CHST9: variants seen among roughly 807,000 people sequenced by gnomAD.
The protein encoded by CHST9 is GalNAc-4-sulfotransferase 2.
Under a neutral mutation model 44.4 loss-of-function variants are expected in CHST9, and 41 were observed. The ratio of observed to expected loss-of-function variants is 0.92; its 90% CI spans 0.72 to 1.20. The LOEUF (loss-of-function observed/expected upper bound fraction) is 1.20, where lower values mean the gene tolerates loss of function less well. Ranked by LOEUF, CHST9 falls within the 50% of genes most tolerant of loss-of-function variation. The pLI is 0.00. For missense variants in CHST9, 504 were observed against 516.5 expected (o/e 0.98, Z 0.23); for synonymous variants, 171 against 178.4 (o/e 0.96, Z 0.33).
chr18:26,919,659 A>G (rs990234878), intron 5 of CHST9, among the ~76,000 whole-genome samples: 1 of 152,108 alleles, frequency 6.6e-6, no homozygotes, highest in African/African-American at 2.4e-5. Context: ...GTGTCCCTAC[A>G]TATGCCCTCA....
Position 26,928,301 on chromosome 18 carries a change from C to T in CHST9, c.241-10951G>A, listed in dbSNP as rs111433498. 3.2e-3 allele frequency: 487 copies of T among 152,572 alleles called. 9 individuals carry two copies. Among genetic ancestry groups the T allele is most frequent in the Non-Finnish European group, 2.7e-3 (182 of 68,308 alleles). 9.5% of individuals were successfully genotyped at this position (152,572 alleles called of 1,614,324 possible). On this transcript the variant is annotated intron_variant, in intron 5 of 5. Transcript: ENST00000618847. The stretch of plus-strand genomic sequence containing the variant: ...GAAAAGGGGATTGGCTTGAGTGCAC[C>T]AGGGGGCCAGAGACATGGGTCATCC...
chr18:26,916,783 A>G lies in CHST9; in HGVS notation c.808T>C (p.Leu270=), dbSNP rs755494326. ...AACACAGCTTTGGTGTAAGTATTTA[A>G]GCGGGTATATATCCCTTTTAGGTCA... ...SFDLKGIYTR[L]NTYTKAVFVR... is the part of the protein sequence containing the mutation. Residue 270 remains leucine, a synonymous_variant, in exon 6 of 6, where the codon TTA becomes CTA. Transcript: ENST00000618847. 6.2e-7 allele frequency: 1 copy of G among 1,613,878 alleles called. No homozygotes were observed. The highest frequency in any genetic ancestry group is 1.1e-5 in the South Asian group (1 of 91,072).
intron 2 of CHST9, among the ~76,000 whole-genome samples, chr18:27,092,388 A>C (rs2058077834): frequency 6.6e-6 from 1 of 151,740 alleles, no homozygotes; most frequent in African/African-American, 2.4e-5. Flanking sequence ...TCTTTTCAAA[A>C]AACCAGCTCC....
chr18:27,123,529 G>T (rs2058393464), intron 2 of CHST9, among the ~76,000 whole-genome samples: 1 of 152,136 alleles, frequency 6.6e-6, no homozygotes, highest in Non-Finnish European at 1.5e-5. Flanking sequence ...CATGCTGTGG[G>T]TTTAAATTCT....
chr18:27,101,612 AAAAAAT>A (rs1434722793), intron 2 of CHST9, among the ~76,000 whole-genome samples: 3 of 148,976 alleles, frequency 2.0e-5, no homozygotes, highest in Non-Finnish European at 4.4e-5. Context: ...TCTGTCTCAA[AAAAAAT>A]AAAAATAAAA....
chr18:27,106,441 C>T (rs558981717), intron 2 of CHST9, among the ~76,000 whole-genome samples: 28 of 152,274 alleles, frequency 1.8e-4, no homozygotes, highest in Admixed American at 9.8e-4. Context: ...ACTAGCCCAA[C>T]CAATTTGTTC....
chr18:27,088,389 C>CTTTT (rs35189657), intron 2 of CHST9, among the ~76,000 whole-genome samples: 102 of 137,494 alleles, frequency 7.4e-4, no homozygotes, highest in Non-Finnish European at 1.2e-3. Flanking sequence ...ATTATTAACA[C>CTTTT]TTTTTTTTTT....
chr18:27,005,760 G>A (rs2057008945), intron 4 of CHST9, among the ~76,000 whole-genome samples: 2 of 152,110 alleles, frequency 1.3e-5, no homozygotes, highest in African/African-American at 4.8e-5. Context: ...CTGGAGGTGA[G>A]GGGGAAGCTC....
chr18:27,086,805 A>G (rs1372223979), intron 2 of CHST9, among the ~76,000 whole-genome samples: 1 of 152,186 alleles, frequency 6.6e-6, no homozygotes, highest in Non-Finnish European at 1.5e-5. Context: ...CTTAATGAGT[A>G]CTCAACTGAA....
chr18:27,180,891 C>T (rs1050401375), intron 1 of CHST9, among the ~76,000 whole-genome samples: 1 of 151,844 alleles, frequency 6.6e-6, no homozygotes, highest in African/African-American at 2.4e-5. Context: ...ATTATATTTC[C>T]AACCACAATA....
intron 4 of CHST9, among the ~76,000 whole-genome samples, chr18:26,951,205 A>G (rs942248520): frequency 1.3e-5 from 2 of 152,234 alleles, no homozygotes; most frequent in African/African-American, 4.8e-5. Flanking sequence ...ACTATCATCA[A>G]CATGGGTGGG....
At chr18:27,146,133 C>T (rs183917738) in intron 1 of CHST9, among the ~76,000 whole-genome samples, 20 of 152,258 alleles carry the variant, frequency 1.3e-4, no homozygotes, top group South Asian at 6.2e-4. Context: ...AAAAGGAGTA[C>T]TCCTCGGGGG....
intron 1 of CHST9, among the ~76,000 whole-genome samples, chr18:27,179,613 T>C (rs1169609975): frequency 6.6e-6 from 1 of 152,034 alleles, no homozygotes; most frequent in African/African-American, 2.4e-5. Context: ...CCCAATTTAA[T>C]GAAGAGTTTT....
At chr18:26,918,033 C>T (rs1255555766) in intron 5 of CHST9, among the ~76,000 whole-genome samples, 17 of 152,142 alleles carry the variant, frequency 1.1e-4, no homozygotes, top group Admixed American at 9.8e-4. Context: ...GTCTACTTGA[C>T]GTCCTGCTCT....
intron 5 of CHST9, chr18:26,925,716 A>C (rs1013399839): frequency 6.6e-6 from 1 of 152,240 alleles, no homozygotes; most frequent in African/African-American, 2.4e-5. Flanking sequence ...GAAAATGAAG[A>C]TAATAACAAC....
intron 3 of CHST9, among the ~76,000 whole-genome samples, chr18:27,043,162 C>T (rs1476216240): frequency 6.6e-6 from 1 of 151,922 alleles, no homozygotes; most frequent in African/African-American, 2.4e-5. Flanking sequence ...TTACTGTGTT[C>T]TTTGTTAATG....
intron 2 of CHST9, among the ~76,000 whole-genome samples, chr18:27,126,334 G>T (rs1167115186): frequency 6.6e-6 from 1 of 152,142 alleles, no homozygotes; most frequent in African/African-American, 2.4e-5. Context: ...TAGGCACAGG[G>T]GATGCAATGG....
At position 26,911,121 on chromosome 18, in the gene CHST9, G is replaced by A. The variant is rs1309873052; in HGVS notation, c.*5138C>T. 1 of 152,114 alleles carries A rather than the reference G, an allele frequency of 6.6e-6. No homozygotes were observed. The highest frequency in any genetic ancestry group is 1.5e-5 in the Non-Finnish European group (1 of 68,016). The allele number at this position is 152,114 out of a possible 1,614,324, so 9.4% of individuals were successfully genotyped here. On this transcript the variant is annotated 3_prime_UTR_variant, in exon 6 of 6. Coordinates refer to ENST00000618847, the MANE Select transcript of CHST9 (RefSeq NM_031422.6). ...TAGCACCTTCCTTTCAGATCCTCTGGTCCTATAGATGCCTGAAGGTCACAG... is the reference window on the plus strand; with the variant it reads ...TAGCACCTTCCTTTCAGATCCTCTGATCCTATAGATGCCTGAAGGTCACAG...
At chr18:27,029,683 A>G (rs190008147) in intron 3 of CHST9, among the ~76,000 whole-genome samples, 16 of 152,362 alleles carry the variant, frequency 1.1e-4, no homozygotes, top group Admixed American at 9.1e-4. Context: ...CTAATACAAT[A>G]TAAATGCTAT....
Sources: allele counts gnomAD v4.1 joint callset (sites outside exome capture counted in the v4.1 genomes callset), GRCh38; gene constraint gnomAD v4.1.1; transcripts MANE v1.5; gene names NCBI Gene and HGNC (gene_info 2026-07-23, HGNC 2026-07-21).